Variants in DOT1L observed in about 807,000 individuals in gnomAD.
The protein encoded by DOT1L is DOT1 like histone lysine methyltransferase.
Under a neutral mutation model 153.3 loss-of-function variants are expected in DOT1L, and 33 were observed. That is an observed-to-expected ratio of 0.22 (90% CI 0.16 to 0.29). DOT1L has a LOEUF of 0.29. DOT1L is among the 10% of genes least tolerant of loss of function. The probability of loss-of-function intolerance (pLI) is 1.00; values close to 1 mark genes in which losing one functional copy is unlikely to be tolerated. For synonymous variants in DOT1L, 1,135 were observed against 965.1 expected (o/e 1.18, Z -3.26); for missense variants, 1,847 against 2,119.9 (o/e 0.87, Z 2.53).
At chr19:2,224,427 C>T (rs928217787) in intron 25 of DOT1L, among the ~76,000 whole-genome samples, 5 of 150,808 alleles carry the variant, frequency 3.3e-5, no homozygotes, top group African/African-American at 1.2e-4. Flanking sequence ...CCATCCGAGT[C>T]GTCGTGAAGT....
At chr19:2,198,729 C>G (rs1409134594) in intron 7 of DOT1L, among the ~76,000 whole-genome samples, 1 of 152,218 alleles carries the variant, frequency 6.6e-6, no homozygotes, top group Non-Finnish European at 1.5e-5. Context: ...CCCAACTACT[C>G]CAGCCCCCAG....
At chr19:2,194,245 A>G (rs2022920441) in intron 6 of DOT1L, among the ~76,000 whole-genome samples, 1 of 151,940 alleles carries the variant, frequency 6.6e-6, no homozygotes. Context: ...ATCTCGGCTC[A>G]CTGCAAGCTC....
chr19:2,182,614 G>A (rs1020016143), intron 2 of DOT1L, among the ~76,000 whole-genome samples: 1 of 152,148 alleles, frequency 6.6e-6, no homozygotes, highest in Non-Finnish European at 1.5e-5. Flanking sequence ...CTGCCCAGAC[G>A]TGGTCTCTCT....
Position 2,223,414 on chromosome 19 carries a change from C to A in DOT1L, c.3524C>A (p.Thr1175Asn). The change falls in exon 25 of 28, where the codon ACC (threonine) becomes AAC (asparagine). Residue 1175 changes from threonine to asparagine, a missense_variant. By Grantham distance (65) the Thr-to-Asn change is moderately conservative (BLOSUM62 0). This residue lies in a region of DOT1L where 934 missense variants were observed against 825.3 expected (regional missense o/e 1.13). Coordinates refer to ENST00000398665, the MANE Select transcript of DOT1L (RefSeq NM_032482.3). Reference protein sequence around the residue: ...VLKKERPLSQTNGAHYSPLTS... With the variant: ...VLKKERPLSQNNGAHYSPLTS... ...AAGAAGGAGCGGCCTCTGAGCCAGACCAATGGGGCACACTACTCCCCACTC... is the reference window on the plus strand; with the variant it reads ...AAGAAGGAGCGGCCTCTGAGCCAGAACAATGGGGCACACTACTCCCCACTC... 6.2e-7 allele frequency: 1 copy of A among 1,613,682 alleles called. No individual in the cohort carries two copies. The highest frequency in any genetic ancestry group is 8.5e-7 in the Non-Finnish European group (1 of 1,179,980).
rs369088160 is a variant in DOT1L at position 2,201,066 on chromosome 19, T to C, written c.707+1127T>C. Among the ~76,000 whole-genome samples the C allele has an allele frequency of 4.8e-3, 131 of 27,378 alleles. 6 individuals carry two copies. The highest frequency in any genetic ancestry group is 0.012 in the African/African-American group (95 of 7,622). The allele number at this position is 27,378 out of a possible 152,430, so 18.0% of individuals were successfully genotyped here. ...TCCTCCCCGCATTCCTCGTCCTCCC[T>C]GCATTCCTCGTCGTCCCCTCATTCC... On this transcript the variant is annotated intron_variant, in intron 8 of 27. Transcript: ENST00000398665.
rs2024524741 is a variant in DOT1L at position 2,229,899 on chromosome 19, G to T, written c.*107G>T. 4 of 1,601,084 alleles carry T rather than the reference G, an allele frequency of 2.5e-6. No homozygotes were observed. The highest frequency in any genetic ancestry group is 2.2e-5 in the South Asian group (2 of 90,800). The stretch of plus-strand genomic sequence containing the variant: ...GGGCTCCCACCCCTGGACGGCAGAG[G>T]CAAGGACGGACGGGAGCTCCACTGT... On this transcript the variant is annotated 3_prime_UTR_variant, in exon 28 of 28. Transcript: ENST00000398665.
intron 27 of DOT1L, chr19:2,229,479 G>A: frequency 1.0e-6 from 1 of 985,500 alleles, no homozygotes; most frequent in Non-Finnish European, 1.2e-6. Context: ...GGCTGGACAA[G>A]CTATGCTGGG....
intron 1 of DOT1L, among the ~76,000 whole-genome samples, chr19:2,165,515 G>T (rs965393965): frequency 4.6e-5 from 7 of 152,216 alleles, no homozygotes; most frequent in African/African-American, 1.4e-4. Flanking sequence ...CGCCTGGGCG[G>T]CCTGAGCCGG....
At chr19:2,187,674 G>A (rs1481067028) in intron 3 of DOT1L, among the ~76,000 whole-genome samples, 2 of 152,186 alleles carry the variant, frequency 1.3e-5, no homozygotes, top group Admixed American at 1.3e-4. Flanking sequence ...TGTAATCCCA[G>A]CACTTTGGGA....
rs2144905215 is a variant in DOT1L at position 2,222,376 on chromosome 19, C to T, written c.3207C>T (p.Ala1069=). The T allele has an allele frequency of 3.1e-6, 5 of 1,611,598 alleles. No homozygotes were observed. The highest frequency in any genetic ancestry group is 4.2e-6 in the Non-Finnish European group (5 of 1,179,418). ...CCAGCAAGCACAGCCCCCTGACCGC[C>T]AGCGCCCGTGGGGACTGTGTGCCGA... The part of the protein sequence containing the change: ...SPSSKHSPLT[A]SARGDCVPSH... Residue 1069 remains alanine (A), a synonymous_variant, in exon 24 of 28, where the codon GCC becomes GCT. Transcript: ENST00000398665. This position sits in a 1 kb window ranked among gnomAD's most constrained non-coding sequence, Gnocchi z 6.5.
At position 2,222,165 on chromosome 19, in the gene DOT1L, C is replaced by T. The variant is rs761955037; in HGVS notation, c.2996C>T (p.Pro999Leu). ...LLLAQPRNSL[P>L]ASPAHQLSSS... ...CTGGCACAGCCCCGGAACTCGCTTCCTGCCTCTCCCGCCCACCAGCTCTCC... is the reference window on the plus strand; with the variant it reads ...CTGGCACAGCCCCGGAACTCGCTTCTTGCCTCTCCCGCCCACCAGCTCTCC... The change falls in exon 24 of 28, where the codon CCT (proline) becomes CTT (leucine). Residue 999 changes from proline (P) to leucine (L), a missense_variant. Pro to Leu is a moderately conservative substitution (Grantham distance 98). Transcript: ENST00000398665. The surrounding 1 kb of genome is among the most constrained non-coding windows in gnomAD (Gnocchi z 6.5). 5.0e-6 allele frequency: 8 copies of T among 1,613,114 alleles called. No individual in the cohort carries two copies. Among genetic ancestry groups the T allele is most frequent in the Non-Finnish European group, 6.8e-6 (8 of 1,179,862 alleles).
chr19:2,181,901 C>T (rs1296622391), intron 2 of DOT1L, among the ~76,000 whole-genome samples: 1 of 152,164 alleles, frequency 6.6e-6, no homozygotes, highest in Non-Finnish European at 1.5e-5. Flanking sequence ...TCTGTGGGTG[C>T]TCCTCACAGA....
rs753328430 is a variant in DOT1L at position 2,216,652 on chromosome 19, C to A, written c.2295C>A (p.Gly765=). The part of the protein sequence containing the change: ...VGRPRLEKLS[G]LAAPDYTRLS... Reference sequence around the variant, plus strand: ...GGCCGCGCCTGGAGAAGCTGTCTGGCCTAGCCGCACCCGACTACACTAGGC... The same window carrying A: ...GGCCGCGCCTGGAGAAGCTGTCTGGACTAGCCGCACCCGACTACACTAGGC... Residue 765 remains glycine (G), a synonymous_variant, in exon 20 of 28, where the codon GGC becomes GGA. Transcript: ENST00000398665. 1 of 1,604,956 alleles carries A rather than the reference C, an allele frequency of 6.2e-7. No homozygotes were observed. Among genetic ancestry groups the A allele is most frequent in the South Asian group, 1.1e-5 (1 of 91,080 alleles).
At position 2,232,346 on chromosome 19, in the gene DOT1L, G is replaced by A. The variant is rs1482317030; in HGVS notation, c.*2554G>A. 5 of 100,372 alleles carry A rather than the reference G, an allele frequency of 5.0e-5. No homozygotes were observed. Among genetic ancestry groups the A allele is most frequent in the Admixed American group, 1.4e-4 (1 of 7,192 alleles). The allele number at this position is 100,372 out of a possible 1,614,324, so 6.2% of individuals were successfully genotyped here. The stretch of plus-strand genomic sequence containing the variant: ...GTGGTCAGCAGGCCCCCCACCCCCC[G>A]CCGACTGCCCTCGCCATCGTGGTCA... On this transcript the variant is annotated 3_prime_UTR_variant, in exon 28 of 28. Transcript: ENST00000398665.
Position 2,232,253 on chromosome 19 carries a change from C to T in DOT1L, c.*2461C>T, listed in dbSNP as rs1321720005. On this transcript the variant is annotated 3_prime_UTR_variant, in exon 28 of 28. Transcript: ENST00000398665. ...GATACCCCCTCCTCGGCCCATGAGG[C>T]ACGCACAGTGACTTATTTAAGACTT... 2 of 218,522 alleles carry T rather than the reference C, an allele frequency of 9.2e-6. No individual in the cohort carries two copies. The highest frequency in any genetic ancestry group is 1.8e-4 in the South Asian group (1 of 5,432). The allele number at this position is 218,522 out of a possible 1,614,324, so 13.5% of individuals were successfully genotyped here. A position where few individuals can be genotyped will look rare whatever the true frequency, so the allele number is the denominator to read the frequency against.
chr19:2,232,351 C>A lies in DOT1L; in HGVS notation c.*2559C>A, dbSNP rs2024641740. On this transcript the variant is annotated 3_prime_UTR_variant, in exon 28 of 28. Coordinates refer to ENST00000398665, the MANE Select transcript of DOT1L (RefSeq NM_032482.3). ...CAGCAGGCCCCCCACCCCCCGCCGA[C>A]TGCCCTCGCCATCGTGGTCAGACCC... 4.9e-6 allele frequency: 1 copy of A among 202,970 alleles called. No homozygotes were observed. The allele number at this position is 202,970 out of a possible 1,614,324, so 12.6% of individuals were successfully genotyped here.
At chr19:2,183,771 C>T (rs575698244) in intron 2 of DOT1L, among the ~76,000 whole-genome samples, 4 of 152,000 alleles carry the variant, frequency 2.6e-5, no homozygotes, top group East Asian at 1.9e-4. Context: ...GGATTAGAGG[C>T]GCCCGTCACC....
At chr19:2,224,691 C>T (rs1317355057) in intron 25 of DOT1L, among the ~76,000 whole-genome samples, 3 of 152,292 alleles carry the variant, frequency 2.0e-5, no homozygotes, top group African/African-American at 7.2e-5. Flanking sequence ...TGGTCTCAAA[C>T]TCCTGGCCTC....
chr19:2,208,720 G>A lies in DOT1L; in HGVS notation c.964-215G>A, dbSNP rs1055827093. On this transcript the variant is annotated intron_variant, in intron 11 of 27. Coordinates refer to ENST00000398665, the MANE Select transcript of DOT1L (RefSeq NM_032482.3). This position sits in a 1 kb window ranked among gnomAD's most constrained non-coding sequence, Gnocchi z 4.4. ...CTTAAACCAGCCCCGCCCACCCGTC[G>A]CGTGCTGGTGAATTGAGGGTGACGC... is the stretch of plus-strand genomic sequence containing the variant. 1.3e-5 allele frequency among the ~76,000 whole-genome samples: 2 copies of A among 152,126 alleles called. No individual in the cohort carries two copies. Among genetic ancestry groups the A allele is most frequent in the African/African-American group, 2.4e-5 (1 of 41,442 alleles).
Sources: gnomAD v4.1 joint callset for allele counts (sites outside exome capture counted in the v4.1 genomes callset) on GRCh38, gnomAD v4.1.1 for gene constraint, gnomAD v4.1.1 regional missense constraint, Gnocchi (gnomAD v3.1) non-coding constraint, MANE v1.5 for transcripts, NCBI Gene and HGNC (gene_info 2026-07-23, HGNC 2026-07-21) for gene names.